NR3C2: variants seen among roughly 807,000 people sequenced by gnomAD.
The protein encoded by NR3C2 is nuclear receptor subfamily 3 group C member 2, also known as mineralocorticoid receptor.
Under a neutral mutation model 86.4 loss-of-function variants are expected in NR3C2, and 15 were observed. The observed-to-expected ratio is 0.17, with a 90% CI of 0.12 to 0.27. The LOEUF (loss-of-function observed/expected upper bound fraction) is 0.27. Ranked by LOEUF, NR3C2 falls within the 10% of genes least tolerant of loss-of-function variation. The pLI is 1.00. For synonymous variants in NR3C2, 458 were observed against 450.5 expected, an observed-to-expected ratio of 1.02 and a Z score of -0.21; for missense variants, 960 against 1,195.6, an observed-to-expected ratio of 0.80 and a Z score of 2.91.
intron 2 of NR3C2, among the ~76,000 whole-genome samples, chr4:148,266,608 A>G (rs762189226): frequency 9.2e-5 from 14 of 152,210 alleles, no homozygotes; most frequent in Non-Finnish European, 1.9e-4. Flanking sequence ...TTGGAAGGCT[A>G]AGGAGGCAGA....
chr4:148,190,990 G>A (rs1223386655), intron 4 of NR3C2, among the ~76,000 whole-genome samples: 2 of 152,126 alleles, frequency 1.3e-5, no homozygotes, highest in Non-Finnish European at 2.9e-5. Flanking sequence ...TTATTGAAAT[G>A]TGAAGTACCG....
intron 2 of NR3C2, among the ~76,000 whole-genome samples, chr4:148,393,139 T>C (rs1747676817): frequency 6.6e-6 from 1 of 152,230 alleles, no homozygotes; most frequent in African/African-American, 2.4e-5. Flanking sequence ...ATTAATTTCC[T>C]TATCTTTGTT....
chr4:148,332,841 T>C (rs1210483998), intron 2 of NR3C2, among the ~76,000 whole-genome samples: 2 of 152,216 alleles, frequency 1.3e-5, no homozygotes, highest in South Asian at 2.1e-4. Flanking sequence ...AGAGTTCTTT[T>C]GGAGGGTGTG....
rs376471666 is a variant in NR3C2 at position 148,250,540 on chromosome 4, G to A, written c.1897+9438C>T. Among the ~76,000 whole-genome samples, 19 of 152,224 alleles carry A rather than the reference G, an allele frequency of 1.2e-4. No individual in the cohort carries two copies. In the East Asian group the frequency reaches 1.5e-3, roughly 12 times the overall value. ...TTCATTACGTAACTTCCCATACACT[G>A]CACCAAATGACCCCAAATGCCGTGG... On this transcript the variant is annotated intron_variant, in intron 3 of 8. Transcript: ENST00000358102.
intron 6 of NR3C2, among the ~76,000 whole-genome samples, chr4:148,134,129 T>C (rs1181214630): frequency 2.0e-5 from 3 of 152,214 alleles, no homozygotes; most frequent in Non-Finnish European, 4.4e-5. Flanking sequence ...AAGGGTGATG[T>C]CCAACTCAAT....
chr4:148,104,329 G>GTGTTTTGGTTTGTTT (rs57371392), intron 8 of NR3C2, among the ~76,000 whole-genome samples: 3 of 124,400 alleles, frequency 2.4e-5, no homozygotes, highest in South Asian at 2.5e-4. Flanking sequence ...TTGTTTTTTT[G>GTGTTTTGGTTTGTTT]TGTTTTGGTT....
intron 2 of NR3C2, among the ~76,000 whole-genome samples, chr4:148,433,511 A>G (rs1175196380): frequency 6.6e-6 from 1 of 152,224 alleles, no homozygotes; most frequent in African/African-American, 2.4e-5. Context: ...AAACAATTTC[A>G]TAATAGCAAA....
chr4:148,420,940 C>A lies in NR3C2; in HGVS notation c.1757+14164G>T, dbSNP rs564137372. 5.3e-5 allele frequency among the ~76,000 whole-genome samples: 8 copies of A among 152,332 alleles called. No individual in the cohort carries two copies. In the South Asian group the frequency reaches 1.7e-3, roughly 32 times the overall value. Reference sequence around the variant, plus strand: ...CAGAAGCCGAGCAGATGCCTCCATGCTTCCTGTACAGCCTGCAGAAGTACG... The same window carrying A: ...CAGAAGCCGAGCAGATGCCTCCATGATTCCTGTACAGCCTGCAGAAGTACG... On this transcript the variant is annotated intron_variant, in intron 2 of 8. Transcript: ENST00000358102.
At chr4:148,270,361 T>C (rs1283028865) in intron 2 of NR3C2, among the ~76,000 whole-genome samples, 1 of 152,208 alleles carries the variant, frequency 6.6e-6, no homozygotes, top group Non-Finnish European at 1.5e-5. Flanking sequence ...CCCTCTCTTC[T>C]ACTTCTCTTA....
At chr4:148,241,149 T>C (rs1739012459) in intron 3 of NR3C2, among the ~76,000 whole-genome samples, 2 of 150,834 alleles carry the variant, frequency 1.3e-5, no homozygotes, top group Non-Finnish European at 3.0e-5. Context: ...CTACTAAAAA[T>C]ACAAAAATTA....
In NR3C2 at chr4:148,194,876, T is replaced by C. The variant is rs566868419; in HGVS notation, c.1898-14A>G. The stretch of plus-strand genomic sequence containing the variant: ...AGTTGTGTTGCCCTGATTAAAATAA[T>C]AAAAAATAACTGTTAAAATAGAGTA... On this transcript the variant is annotated splice_polypyrimidine_tract_variant and intron_variant, in intron 3 of 8. Transcript: ENST00000358102. 3.8e-6 allele frequency: 6 copies of C among 1,568,980 alleles called. No individual in the cohort carries two copies. The Admixed American group carries it at 6.7e-5, about 17-fold the overall frequency.
At chr4:148,210,199 GT>G (rs1204202395) in intron 3 of NR3C2, among the ~76,000 whole-genome samples, 1 of 151,882 alleles carries the variant, frequency 6.6e-6, no homozygotes, top group Non-Finnish European at 1.5e-5. Context: ...TTTTGTTTTT[GT>G]TTTTTTAAGA....
chr4:148,207,276 A>G (rs1406731700), intron 3 of NR3C2, among the ~76,000 whole-genome samples: 1 of 152,170 alleles, frequency 6.6e-6, no homozygotes, highest in Admixed American at 6.5e-5. Context: ...GTAGCTGTCC[A>G]TGGTGCTTCA....
At chr4:148,298,924 G>A (rs918865438) in intron 2 of NR3C2, among the ~76,000 whole-genome samples, 9 of 152,344 alleles carry the variant, frequency 5.9e-5, no homozygotes, top group African/African-American at 2.2e-4. Flanking sequence ...TTGTCTGGGT[G>A]TGCCTGCAAC....
chr4:148,222,886 T>C (rs1737932017), intron 3 of NR3C2, among the ~76,000 whole-genome samples: 1 of 152,122 alleles, frequency 6.6e-6, no homozygotes, highest in Non-Finnish European at 1.5e-5. Context: ...ATCATGCTCT[T>C]GGGAGCCGCA....
chr4:148,101,733 C>T (rs537299134), intron 8 of NR3C2, among the ~76,000 whole-genome samples: 16 of 152,318 alleles, frequency 1.1e-4, no homozygotes, highest in Admixed American at 6.5e-4. Flanking sequence ...CAGGCTTAAA[C>T]ATATAAACAC....
At chr4:148,182,618 CACAT>C (rs1474900028) in intron 4 of NR3C2, among the ~76,000 whole-genome samples, 3 of 152,184 alleles carry the variant, frequency 2.0e-5, no homozygotes, top group African/African-American at 7.2e-5. Flanking sequence ...AATTTTGTAT[CACAT>C]ACCGTGCCAA....
intron 5 of NR3C2, among the ~76,000 whole-genome samples, 170 bp downstream of exon 5, chr4:148,154,381 C>T (rs564774785): frequency 4.2e-4 from 64 of 152,320 alleles, no homozygotes; most frequent in Non-Finnish European, 8.1e-4. Context: ...GAAATGAGCA[C>T]ATTAACCATA....
intron 2 of NR3C2, among the ~76,000 whole-genome samples, chr4:148,304,919 T>C (rs1742537007): frequency 6.6e-6 from 1 of 150,978 alleles, no homozygotes; most frequent in Non-Finnish European, 1.5e-5. Flanking sequence ...TCCTGAGAGA[T>C]TTCTTTTAAT....
Sources: allele counts gnomAD v4.1 joint callset (sites outside exome capture counted in the v4.1 genomes callset), GRCh38; gene constraint gnomAD v4.1.1; transcripts MANE v1.5; gene names NCBI Gene and HGNC (gene_info 2026-07-23, HGNC 2026-07-21).